Variants in DYSF observed in about 807,000 individuals in gnomAD.
DYSF encodes the protein dystrophy-associated fer-1-like 1.
Under a neutral mutation model 274.9 loss-of-function variants are expected in DYSF, and 212 were observed. That is an observed-to-expected ratio of 0.77 (90% confidence interval 0.69 to 0.86). DYSF has a LOEUF of 0.86. Ranked by LOEUF, DYSF falls within the 40% of genes least tolerant of loss-of-function variation. The probability of loss-of-function intolerance (pLI) is 0.00; values close to 1 mark genes in which losing one functional copy is unlikely to be tolerated. For synonymous variants in DYSF, 1,091 were observed against 1,078.7 expected, an observed-to-expected ratio of 1.01 and a Z score of -0.22; for missense variants, 2,666 against 2,783.2, an observed-to-expected ratio of 0.96 and a Z score of 0.95.
intron 41 of DYSF, among the ~76,000 whole-genome samples, chr2:71,633,664 A>G (rs2094350194): frequency 6.6e-6 from 1 of 152,204 alleles, no homozygotes; most frequent in African/African-American, 2.4e-5. Context: ...CATAGGCATG[A>G]AGGGCTACTT....
chr2:71,526,141 A>G, intron 12 of DYSF, 79 bp from the exon 13 acceptor site: 1 of 1,612,806 alleles, frequency 6.2e-7, no homozygotes, highest in Non-Finnish European at 8.5e-7. Context: ...TATGTGGCGA[A>G]GCTGGAACTC....
At chr2:71,468,224 T>C (rs1346579365) in intron 1 of DYSF, among the ~76,000 whole-genome samples, 3 of 152,338 alleles carry the variant, frequency 2.0e-5, no homozygotes, top group East Asian at 3.9e-4. Flanking sequence ...CACCATTGGC[T>C]GGAAAAGAAA....
intron 36 of DYSF, among the ~76,000 whole-genome samples, chr2:71,605,644 G>A (rs910389587): frequency 3.3e-5 from 5 of 152,070 alleles, no homozygotes; most frequent in Admixed American, 2.0e-4. Context: ...TGATTTTACT[G>A]CCAGTTCAGG....
intron 48 of DYSF, 61 bp downstream of exon 48, chr2:71,667,576 A>G (rs2095038944): frequency 6.2e-7 from 1 of 1,607,328 alleles, no homozygotes; most frequent in East Asian, 2.3e-5. Context: ...AACCCCAGGG[A>G]CAACATGGAT....
rs556597213 is a variant in DYSF at position 71,486,503 on chromosome 2, G to A, written c.239+4533G>A. Among the ~76,000 whole-genome samples, 10 of 152,168 alleles carry A rather than the reference G, an allele frequency of 6.6e-5. No homozygotes were observed. In the South Asian group the frequency reaches 1.2e-3, roughly 19 times the overall value. ...GTCCTCTCTTTCCTATGGCTCCTGG[G>A]GCATTTGGCATTTCTGGGTTTTCCC... is the stretch of plus-strand genomic sequence containing the variant. On this transcript the variant is annotated intron_variant, in intron 3 of 55. Transcript: ENST00000410020.
chr2:71,681,775 C>T (rs957726879), intron 54 of DYSF, among the ~76,000 whole-genome samples: 2 of 152,222 alleles, frequency 1.3e-5, no homozygotes, highest in African/African-American at 2.4e-5. Context: ...TTGCTGGATC[C>T]CGCCCCACCA....
intron 55 of DYSF, 37 bp from the exon 56 acceptor site, chr2:71,686,417 G>T (rs200927127): frequency 6.2e-7 from 1 of 1,613,334 alleles, no homozygotes; most frequent in Non-Finnish European, 8.5e-7. Flanking sequence ...TGCCCCAGTG[G>T]GATCACCATG....
At chr2:71,476,220 C>A (rs1194873219) in intron 1 of DYSF, among the ~76,000 whole-genome samples, 1 of 152,138 alleles carries the variant, frequency 6.6e-6, no homozygotes, top group African/African-American at 2.4e-5. Flanking sequence ...GGTACAACAG[C>A]AATGGCAGCT....
intron 51 of DYSF, among the ~76,000 whole-genome samples, chr2:71,672,990 G>A (rs1287944907): frequency 6.6e-6 from 1 of 152,214 alleles, no homozygotes; most frequent in Non-Finnish European, 1.5e-5. Context: ...AGCTCACTGG[G>A]ATTTCCGTGG....
At chr2:71,522,808 T>C (rs2087443384) in intron 12 of DYSF, among the ~76,000 whole-genome samples, 1 of 152,104 alleles carries the variant, frequency 6.6e-6, no homozygotes, top group South Asian at 2.1e-4. Flanking sequence ...TCTTAGGAAA[T>C]TGCATGATTA....
chr2:71,613,502 C>T, intron 40 of DYSF, 92 bp downstream of exon 40: 1 of 1,114,780 alleles, frequency 9.0e-7, no homozygotes, highest in Non-Finnish European at 1.3e-6. Flanking sequence ...TTCATTATCA[C>T]ACAGCCTCTA....
In DYSF at chr2:71,513,349, G is replaced by T. The variant is rs1445811411; in HGVS notation, c.553+17G>T. The T allele has an allele frequency of 2.6e-6, 4 of 1,550,548 alleles. No homozygotes were observed. The highest frequency in any genetic ancestry group is 3.5e-6 in the Non-Finnish European group (4 of 1,146,134). ...CCCCCACGGGTGAGACACGGGCCAG[G>T]ACTGTCCTGATCCCAGACCCTCCCT... On this transcript the variant is annotated intron_variant, in intron 6 of 55. Coordinates refer to ENST00000410020, the MANE Select transcript of DYSF (RefSeq NM_001130987.2).
At chr2:71,664,159 G>A in intron 45 of DYSF, 109 bp from the exon 46 acceptor site, 2 of 1,392,990 alleles carry the variant, frequency 1.4e-6, no homozygotes, top group Non-Finnish European at 2.0e-6. Flanking sequence ...GATCTGTAGG[G>A]GGCCCAAGGA....
chr2:71,613,369 C>G lies in DYSF; in HGVS notation c.4423C>G (p.Leu1475Val), dbSNP rs367709130. The change falls in exon 40 of 56, where the codon CTC becomes GTC. Residue 1475 changes from leucine to valine, a missense_variant. Leu to Val is a conservative substitution (Grantham distance 32). Transcript: ENST00000410020. ...VSLLSPGEDV[L>V]IDIDDKEPLI... ...CCTACTCAGTCCTGGGGAAGACGTGCTCATCGACATTGATGACAAGGAGCC... is the reference window on the plus strand; with the variant it reads ...CCTACTCAGTCCTGGGGAAGACGTGGTCATCGACATTGATGACAAGGAGCC... 1 of 1,613,666 alleles carries G rather than the reference C, an allele frequency of 6.2e-7. No individual in the cohort carries two copies. Among genetic ancestry groups the G allele is most frequent in the South Asian group, 1.1e-5 (1 of 90,858 alleles).
intron 1 of DYSF, among the ~76,000 whole-genome samples, chr2:71,468,209 GGT>G (rs2081677101): frequency 6.6e-6 from 1 of 152,184 alleles, no homozygotes. Flanking sequence ...CAGAAATTGC[GGT>G]GTCACCATTG....
At chr2:71,570,379 C>T (rs1437143616) in intron 28 of DYSF, 45 bp downstream of exon 28, 1 of 1,589,304 alleles carries the variant, frequency 6.3e-7, no homozygotes, top group African/African-American at 1.3e-5. Context: ...CCGGCAAGCT[C>T]TCAAGCCATG....
intron 4 of DYSF, among the ~76,000 whole-genome samples, chr2:71,509,487 C>A (rs747816993): frequency 6.6e-6 from 1 of 152,114 alleles, no homozygotes; most frequent in African/African-American, 2.4e-5. Context: ...AATATCACTG[C>A]TGTTTCTTGG....
Position 71,466,914 on chromosome 2 carries a change from C to G in DYSF, c.72C>G (p.Val24=). Residue 24 remains valine, a synonymous_variant, in exon 1 of 56, where the codon GTC becomes GTG. Transcript: ENST00000410020. ...SAKKDRRSDP[V]ASLTFRGVKK... ...AGAAGGACCGGCGCAGCGACCCTGT[C>G]GCAAGCCTGACTTTCCGAGGTGAGA... The G allele has an allele frequency of 2.6e-6, 4 of 1,550,068 alleles. No homozygotes were observed. Among genetic ancestry groups the G allele is most frequent in the Non-Finnish European group, 3.5e-6 (4 of 1,145,874 alleles).
At chr2:71,472,948 C>G (rs1321565305) in intron 1 of DYSF, among the ~76,000 whole-genome samples, 1 of 152,144 alleles carries the variant, frequency 6.6e-6, no homozygotes, top group South Asian at 2.1e-4. Context: ...ATGTAAATAT[C>G]TTCCCCAGTT....
Sources: gnomAD v4.1 joint callset for allele counts (sites outside exome capture counted in the v4.1 genomes callset) on GRCh38, gnomAD v4.1.1 for gene constraint, MANE v1.5 for transcripts, NCBI Gene and HGNC (gene_info 2026-07-23, HGNC 2026-07-21) for gene names.